Variants in XKR9 observed in about 807,000 individuals in gnomAD.
XKR9 encodes the protein XK related 9, also known as XK-related protein 9.
Under a neutral mutation model 32.0 loss-of-function variants are expected in XKR9, and 32 were observed. The observed-to-expected ratio is 1.00, with a 90% CI of 0.76 to 1.34. The LOEUF is 1.34. XKR9 is among the 40% of genes most tolerant of loss of function. XKR9 has a pLI of 0.00. For synonymous variants in XKR9, 168 were observed against 143.4 expected (o/e 1.17, Z -1.22); for missense variants, 546 against 429.7 (o/e 1.27, Z -2.39).
chr8:70,896,262 AAGAG>A, the XKR9 span, among the ~76,000 whole-genome samples: 1 of 152,156 alleles, frequency 6.6e-6, no homozygotes, highest in East Asian at 1.9e-4. Context: ...CATTTTCTAG[AAGAG>A]ATAGTGTAGA....
At chr8:70,987,643 C>T in the XKR9 span, among the ~76,000 whole-genome samples, 1 of 152,200 alleles carries the variant, frequency 6.6e-6, no homozygotes, top group East Asian at 1.9e-4. Flanking sequence ...TGTGGCTTTT[C>T]CAGGCCCATG....
chr8:70,758,708 A>C (rs1807264421), intron 2 of XKR9, among the ~76,000 whole-genome samples: 2 of 152,240 alleles, frequency 1.3e-5, no homozygotes, highest in South Asian at 4.1e-4. Flanking sequence ...CTTTTAAGTC[A>C]GTCTTGATGA....
chr8:70,875,948 A>T, the XKR9 span, among the ~76,000 whole-genome samples: 1 of 152,160 alleles, frequency 6.6e-6, no homozygotes, highest in Non-Finnish European at 1.5e-5. Flanking sequence ...AGGAAAAAAA[A>T]ACTCAGACTC....
chr8:70,680,939 T>A lies in XKR9; in HGVS notation c.-120T>A. On this transcript the variant is annotated 5_prime_UTR_variant, in exon 3 of 5. Coordinates refer to ENST00000408926, the MANE Select transcript of XKR9 (RefSeq NM_001011720.2). ...TATTTATTCTTTCTTCTAAATAGAT[T>A]TAGGGAGTAGAAATTAAAATTCAAT... 1.2e-6 allele frequency: 1 copy of A among 856,244 alleles called. No individual in the cohort carries two copies. Among genetic ancestry groups the A allele is most frequent in the Non-Finnish European group, 1.8e-6 (1 of 569,846 alleles). The allele number at this position is 856,244 out of a possible 1,614,324, so 53.0% of individuals were successfully genotyped here. A position where few individuals can be genotyped will look rare whatever the true frequency, so the allele number is the denominator to read the frequency against.
At chr8:70,746,338 AAAG>A (rs1807058640) in intron 2 of XKR9, among the ~76,000 whole-genome samples, 1 of 148,292 alleles carries the variant, frequency 6.7e-6, no homozygotes, top group Admixed American at 6.8e-5. Flanking sequence ...GAAACAGAAT[AAAG>A]AATATAGAAT....
intron 2 of XKR9, among the ~76,000 whole-genome samples, chr8:70,677,036 A>G (rs1047288397): frequency 2.6e-5 from 4 of 152,106 alleles, no homozygotes; most frequent in East Asian, 1.9e-4. Context: ...TAGCTTAACT[A>G]TTGTGTTTTA....
At chr8:71,012,036 A>AG in the XKR9 span, among the ~76,000 whole-genome samples, 1 of 52,540 alleles carries the variant, frequency 1.9e-5, no homozygotes, top group Non-Finnish European at 6.5e-5. Context: ...CTATAGGGGG[A>AG]AAAAAAAACC....
intron 2 of XKR9, among the ~76,000 whole-genome samples, chr8:70,779,303 A>C (rs1463771517): frequency 6.6e-6 from 1 of 152,172 alleles, no homozygotes; most frequent in Non-Finnish European, 1.5e-5. Flanking sequence ...GATGAAGCCA[A>C]CTTGTTCGTG....
intron 3 of XKR9, among the ~76,000 whole-genome samples, chr8:70,700,524 T>C (rs967462059): frequency 6.6e-6 from 1 of 152,154 alleles, no homozygotes; most frequent in African/African-American, 2.4e-5. Flanking sequence ...AATGCTGCTG[T>C]CTGATCGTTC....
At chr8:71,046,824 T>A in the XKR9 span, among the ~76,000 whole-genome samples, 1 of 152,250 alleles carries the variant, frequency 6.6e-6, no homozygotes, top group African/African-American at 2.4e-5. Context: ...AATAGCTATG[T>A]AACTACATTG....
chr8:71,039,085 T>C, the XKR9 span, among the ~76,000 whole-genome samples: 9 of 152,162 alleles, frequency 5.9e-5, no homozygotes, highest in African/African-American at 2.2e-4. Context: ...ATAACAGGCA[T>C]GAGCCACCGT....
chr8:70,675,863 T>C (rs1003619837), intron 2 of XKR9, among the ~76,000 whole-genome samples: 1 of 152,196 alleles, frequency 6.6e-6, no homozygotes, highest in African/African-American at 2.4e-5. Context: ...CTTCCCTTCT[T>C]CTCTGAGTCT....
At chr8:70,892,263 G>T in the XKR9 span, among the ~76,000 whole-genome samples, 2 of 152,036 alleles carry the variant, frequency 1.3e-5, no homozygotes, top group Non-Finnish European at 2.9e-5. Context: ...GATTATTACT[G>T]ATAGGCAAGG....
chr8:71,008,559 C>T, the XKR9 span, among the ~76,000 whole-genome samples: 1 of 152,134 alleles, frequency 6.6e-6, no homozygotes, highest in Non-Finnish European at 1.5e-5. Context: ...CACCACTGAA[C>T]TATTGAGTCA....
the XKR9 span, among the ~76,000 whole-genome samples, chr8:70,810,896 A>T: frequency 6.6e-6 from 1 of 152,192 alleles, no homozygotes; most frequent in African/African-American, 2.4e-5. Context: ...CAGAAAGTTA[A>T]CAAGGATATC....
chr8:71,038,381 C>A, the XKR9 span, among the ~76,000 whole-genome samples: 2 of 148,452 alleles, frequency 1.3e-5, no homozygotes, highest in East Asian at 4.0e-4. Context: ...AGTGCAGTGG[C>A]ACAATCTTGG....
intron 4 of XKR9, among the ~76,000 whole-genome samples, chr8:70,722,409 T>C (rs1806313681): frequency 6.6e-6 from 1 of 152,232 alleles, no homozygotes; most frequent in African/African-American, 2.4e-5. Context: ...CTTTATAATT[T>C]CGTGTGTTTT....
At chr8:70,784,464 G>T (rs1281740504) in intron 2 of XKR9, among the ~76,000 whole-genome samples, 1 of 151,904 alleles carries the variant, frequency 6.6e-6, no homozygotes, top group South Asian at 2.1e-4. Context: ...TATTGTAAGT[G>T]GGATTGTTCT....
At chr8:70,752,950 A>G (rs1376519018) in intron 2 of XKR9, among the ~76,000 whole-genome samples, 1 of 152,186 alleles carries the variant, frequency 6.6e-6, no homozygotes, top group East Asian at 1.9e-4. Context: ...GACACAAAAA[A>G]CCCTTCAAAA....
Sources: allele counts gnomAD v4.1 joint callset (sites outside exome capture counted in the v4.1 genomes callset), GRCh38; gene constraint gnomAD v4.1.1; transcripts MANE v1.5; gene names NCBI Gene and HGNC (gene_info 2026-07-23, HGNC 2026-07-21).